Variants in AGBL4 observed in about 807,000 individuals in gnomAD.
AGBL4 encodes cytosolic carboxypeptidase 6.
A neutral mutation model predicts 66.4 loss-of-function variants in AGBL4; 58 were observed. That is an observed-to-expected ratio of 0.87 (90% CI 0.71 to 1.09). AGBL4 has a LOEUF of 1.09. AGBL4 is among the 50% of genes least tolerant of loss of function. The pLI is 0.00. For synonymous variants in AGBL4, 234 were observed against 222.9 expected (o/e 1.05, Z -0.44); for missense variants, 579 against 631.0 (o/e 0.92, Z 0.88).
chr1:49,272,358 C>T (rs1644079191), intron 3 of AGBL4, among the ~76,000 whole-genome samples: 1 of 152,070 alleles, frequency 6.6e-6, no homozygotes, highest in Admixed American at 6.6e-5. Context: ...GGCCATGTTC[C>T]TTAATGGGCT....
the AGBL4 span, among the ~76,000 whole-genome samples, chr1:48,522,638 C>T: frequency 7.2e-5 from 11 of 152,244 alleles, no homozygotes; most frequent in Admixed American, 2.0e-4. Context: ...ATGCAAGGTT[C>T]GTGGTGTCAC....
chr1:49,752,051 G>A (rs201563047), intron 2 of AGBL4, among the ~76,000 whole-genome samples: 5 of 151,416 alleles, frequency 3.3e-5, no homozygotes, highest in Admixed American at 3.3e-4. Context: ...ATTTTTTGAA[G>A]GGTTTTTCGT....
chr1:48,943,802 T>C (rs1348563863), intron 5 of AGBL4, among the ~76,000 whole-genome samples: 1 of 152,088 alleles, frequency 6.6e-6, no homozygotes, highest in Non-Finnish European at 1.5e-5. Context: ...GTGGTGGTGT[T>C]GATGGTGCCT....
chr1:48,970,952 G>A (rs1369461138), intron 5 of AGBL4, among the ~76,000 whole-genome samples: 1 of 151,976 alleles, frequency 6.6e-6, no homozygotes, highest in East Asian at 1.9e-4. Flanking sequence ...TCTCAGGGAT[G>A]GTGTATATCT....
intron 4 of AGBL4, among the ~76,000 whole-genome samples, chr1:49,121,617 G>T (rs1163548728): frequency 6.6e-6 from 1 of 152,178 alleles, no homozygotes; most frequent in Admixed American, 6.5e-5. Context: ...TGAGGTGTCT[G>T]TCGGCCCCTA....
chr1:49,575,775 C>G (rs1016157983), intron 3 of AGBL4, among the ~76,000 whole-genome samples: 1 of 152,214 alleles, frequency 6.6e-6, no homozygotes, highest in Non-Finnish European at 1.5e-5. Context: ...ATAAGGCCCA[C>G]CAGAAGCAAT....
intron 3 of AGBL4, among the ~76,000 whole-genome samples, chr1:49,526,280 A>G (rs1650657158): frequency 7.2e-6 from 1 of 138,116 alleles, no homozygotes. Context: ...ATATAAAGAG[A>G]AAAAAACTAC....
intron 1 of AGBL4, among the ~76,000 whole-genome samples, chr1:49,930,602 A>G (rs546130877): frequency 6.6e-6 from 1 of 152,284 alleles, no homozygotes; most frequent in South Asian, 2.1e-4. Flanking sequence ...TGGGATTTAT[A>G]TGAAGAACAC....
chr1:49,013,573 T>G (rs1010980592), intron 5 of AGBL4, among the ~76,000 whole-genome samples: 6 of 152,220 alleles, frequency 3.9e-5, no homozygotes, highest in African/African-American at 1.4e-4. Flanking sequence ...CAGAAGAGGC[T>G]TCTCTGAGTT....
chr1:49,739,293 G>A (rs987856439), intron 2 of AGBL4, among the ~76,000 whole-genome samples: 1 of 152,184 alleles, frequency 6.6e-6, no homozygotes, highest in Non-Finnish European at 1.5e-5. Context: ...TCAACTGGAA[G>A]AAATGGTATC....
intron 3 of AGBL4, among the ~76,000 whole-genome samples, chr1:49,615,517 G>A (rs75512823): frequency 0.037 from 5,615 of 152,154 alleles, 108 homozygotes; most frequent in Middle Eastern, 0.054. Context: ...AGATGAGACA[G>A]CTGCCAGATA....
chr1:49,438,784 C>G (rs1645960954), intron 3 of AGBL4, among the ~76,000 whole-genome samples: 1 of 152,166 alleles, frequency 6.6e-6, no homozygotes, highest in Non-Finnish European at 1.5e-5. Context: ...CTGTCACTGT[C>G]TGTTTTGTGT....
intron 3 of AGBL4, among the ~76,000 whole-genome samples, chr1:49,429,891 C>A (rs372425471): frequency 3.3e-5 from 5 of 150,370 alleles, no homozygotes; most frequent in African/African-American, 1.2e-4. Context: ...GTCACCCAGG[C>A]TGGAATGAAG....
chr1:49,831,899 A>C (rs553088353), intron 2 of AGBL4, among the ~76,000 whole-genome samples: 2 of 152,076 alleles, frequency 1.3e-5, no homozygotes, highest in South Asian at 4.1e-4. Context: ...TGTTTATGTG[A>C]TGAATTACAT....
intron 4 of AGBL4, among the ~76,000 whole-genome samples, chr1:49,060,043 T>G (rs1344407055): frequency 6.6e-6 from 1 of 152,112 alleles, no homozygotes; most frequent in African/African-American, 2.4e-5. Context: ...TGGGAAGGCA[T>G]GATTATGTTT....
At chr1:49,817,953 G>T (rs1433927185) in intron 2 of AGBL4, among the ~76,000 whole-genome samples, 2 of 152,124 alleles carry the variant, frequency 1.3e-5, no homozygotes, top group Non-Finnish European at 2.9e-5. Context: ...TTGTGCATGT[G>T]CCATTCATTA....
intron 5 of AGBL4, among the ~76,000 whole-genome samples, chr1:49,009,777 C>T (rs1411066913): frequency 5.3e-5 from 8 of 151,792 alleles, no homozygotes; most frequent in African/African-American, 9.7e-5. Context: ...AAGACAAAAA[C>T]CACATGATTA....
chr1:49,499,393 G>A (rs1647913800), intron 3 of AGBL4, among the ~76,000 whole-genome samples: 1 of 151,456 alleles, frequency 6.6e-6, no homozygotes, highest in South Asian at 2.1e-4. Context: ...TAGTTTTTGG[G>A]GAACAAGTGG....
At chr1:49,591,795 C>T (rs185755954) in intron 3 of AGBL4, among the ~76,000 whole-genome samples, 82 of 152,202 alleles carry the variant, frequency 5.4e-4, no homozygotes, top group African/African-American at 1.9e-3. Flanking sequence ...ACACCTACAA[C>T]CATCTGATCT....
Sources: allele counts gnomAD v4.1 joint callset (sites outside exome capture counted in the v4.1 genomes callset), GRCh38; gene constraint gnomAD v4.1.1; transcripts MANE v1.5; gene names NCBI Gene and HGNC (gene_info 2026-07-23, HGNC 2026-07-21).